CDH5: variants seen among roughly 807,000 people sequenced by gnomAD.
CDH5 encodes the protein cadherin-5.
CDH5 carries 28 observed loss-of-function variants against 62.0 expected under a neutral mutation model. That is an observed-to-expected ratio of 0.45 (90% CI 0.33 to 0.62). The LOEUF is 0.62. Among genes scored for constraint, CDH5 ranks in the 20% least tolerant of loss-of-function variants. The probability of loss-of-function intolerance (pLI) is 0.02; values close to 1 mark genes in which losing one functional copy is unlikely to be tolerated. For missense variants in CDH5, 940 were observed against 1,065.1 expected, an observed-to-expected ratio of 0.88 and a Z score of 1.63; for synonymous variants, 464 against 445.8, an observed-to-expected ratio of 1.04 and a Z score of -0.52.
intron 2 of CDH5, among the ~76,000 whole-genome samples, chr16:66,383,287 T>C (rs1180074241): frequency 6.6e-6 from 1 of 152,022 alleles, no homozygotes; most frequent in Non-Finnish European, 1.5e-5. Flanking sequence ...TCCGTATTGG[T>C]CCATTAATTA....
intron 1 of CDH5, among the ~76,000 whole-genome samples, chr16:66,370,857 C>T (rs1960674343): frequency 6.6e-6 from 1 of 152,220 alleles, no homozygotes; most frequent in South Asian, 2.1e-4. Flanking sequence ...ACTCCTAGCT[C>T]TCCTCGAGGC....
chr16:66,391,177 C>T (rs55951938), intron 6 of CDH5, among the ~76,000 whole-genome samples: 18,056 of 152,128 alleles, frequency 0.12, 1,421 homozygotes, highest in Non-Finnish European at 0.18. Flanking sequence ...GATTGCAAGT[C>T]CTGGGCCTGA....
intron 1 of CDH5, among the ~76,000 whole-genome samples, chr16:66,374,836 T>A (rs1035482741): frequency 6.6e-6 from 1 of 152,158 alleles, no homozygotes; most frequent in Middle Eastern, 3.2e-3. Context: ...CTAGGGTACA[T>A]GTGCACAACG....
intron 3 of CDH5, among the ~76,000 whole-genome samples, 183 bp downstream of exon 3, chr16:66,387,280 G>A (rs1961003771): frequency 6.6e-6 from 1 of 152,238 alleles, no homozygotes; most frequent in Non-Finnish European, 1.5e-5. Context: ...CTCTGATCTG[G>A]CCACAGGCTG....
intron 1 of CDH5, chr16:66,377,338 T>G (rs1012131326): frequency 9.2e-5 from 14 of 152,070 alleles, no homozygotes; most frequent in African/African-American, 3.4e-4. Flanking sequence ...CCCAGAGGGG[T>G]CAGGGCCTCT....
chr16:66,392,506 T>C, intron 7 of CDH5, 123 bp downstream of exon 7: 1 of 1,369,390 alleles, frequency 7.3e-7, no homozygotes, highest in South Asian at 1.4e-5. Flanking sequence ...ACAGGGAAAG[T>C]GACAGAGGCA....
intron 5 of CDH5, among the ~76,000 whole-genome samples, chr16:66,389,915 T>A (rs1406372419): frequency 6.6e-6 from 1 of 152,228 alleles, no homozygotes; most frequent in Non-Finnish European, 1.5e-5. Context: ...AGCAAAGTTC[T>A]ATATCCAGAG....
intron 7 of CDH5, among the ~76,000 whole-genome samples, chr16:66,394,460 T>C (rs1188967503): frequency 6.6e-6 from 1 of 152,200 alleles, no homozygotes; most frequent in African/African-American, 2.4e-5. Flanking sequence ...TCATAATTGA[T>C]ATGTTTGATG....
rs767552398 is a variant in CDH5 at position 66,400,973 on chromosome 16, C to T, written c.1794C>T (p.Ile598=). 1 of 1,614,126 alleles carries T rather than the reference C, an allele frequency of 6.2e-7. No individual in the cohort carries two copies. Among genetic ancestry groups the T allele is most frequent in the South Asian group, 1.1e-5 (1 of 91,082 alleles). ...EDMAAQVGVS[I]QAVVAILLCI... Reference sequence around the variant, plus strand: ...TGGCCGCCCAGGTGGGCGTGAGCATCCAGGCAGTGGTAGCCATCTTACTCT... The same window carrying T: ...TGGCCGCCCAGGTGGGCGTGAGCATTCAGGCAGTGGTAGCCATCTTACTCT... Residue 598 remains isoleucine (I), a synonymous_variant, in exon 11 of 12, where the codon ATC becomes ATT. Transcript: ENST00000341529.
At chr16:66,390,859 G>A (rs922897961) in intron 6 of CDH5, among the ~76,000 whole-genome samples, 18 of 152,226 alleles carry the variant, frequency 1.2e-4, no homozygotes, top group African/African-American at 3.4e-4. Flanking sequence ...GGGTAAGTGT[G>A]GAACACATCC....
At chr16:66,368,122 G>T (rs957102365) in intron 1 of CDH5, among the ~76,000 whole-genome samples, 4 of 152,202 alleles carry the variant, frequency 2.6e-5, no homozygotes, top group Non-Finnish European at 5.9e-5. Context: ...TCTCATGTGT[G>T]ATGGGCAGAT....
chr16:66,379,893 TCAC>T (rs1960859596), intron 2 of CDH5, among the ~76,000 whole-genome samples: 2 of 147,438 alleles, frequency 1.4e-5, no homozygotes, highest in African/African-American at 5.0e-5. Context: ...ATGGTGGTGA[TCAC>T]GGTGATGGTG....
rs762331008 is a variant in CDH5 at position 66,379,361 on chromosome 16, C to T, written c.24C>T (p.Leu8=). 5.5e-5 allele frequency: 89 copies of T among 1,612,710 alleles called. No homozygotes were observed. Among genetic ancestry groups the T allele is most frequent in the Non-Finnish European group, 6.8e-5 (80 of 1,179,376 alleles). Residue 8 remains leucine (L), a synonymous_variant, in exon 2 of 12, where the codon CTC becomes CTT. Coordinates refer to ENST00000341529, the MANE Select transcript of CDH5 (RefSeq NM_001795.5). MQRLMML[L]ATSGACLGLL... is the part of the protein sequence containing the mutation. Reference sequence around the variant, plus strand: ...AGATGCAGAGGCTCATGATGCTCCTCGCCACATCGGGCGCCTGCCTGGGCC... The same window carrying T: ...AGATGCAGAGGCTCATGATGCTCCTTGCCACATCGGGCGCCTGCCTGGGCC...
At position 66,392,302 on chromosome 16, in the gene CDH5, T is replaced by C. The variant is rs1281740579; in HGVS notation, c.1136T>C (p.Phe379Ser). Reference sequence around the variant, plus strand: ...ATTTTCCAGCAGCCTTTCTACCACTTCCAGCTGAAGGAAAACCAGAAGAAG... The same window carrying C: ...ATTTTCCAGCAGCCTTTCTACCACTCCCAGCTGAAGGAAAACCAGAAGAAG... Reference protein sequence around the residue: ...PPIFQQPFYHFQLKENQKKPL... With the variant: ...PPIFQQPFYHSQLKENQKKPL... The change falls in exon 7 of 12, where the codon TTC becomes TCC. Residue 379 changes from phenylalanine (F) to serine (S), a missense_variant. Physicochemically the swap from Phe to Ser is radical, Grantham distance 155. Transcript: ENST00000341529. 6.2e-7 allele frequency: 1 copy of C among 1,614,052 alleles called. No individual in the cohort carries two copies. Among genetic ancestry groups the C allele is most frequent in the Non-Finnish European group, 8.5e-7 (1 of 1,180,020 alleles).
chr16:66,387,434 AAGCCCTGATCCTGATCGTGGACTG>A (rs1197588916), intron 3 of CDH5, among the ~76,000 whole-genome samples: 1 of 151,868 alleles, frequency 6.6e-6, no homozygotes, highest in African/African-American at 2.4e-5. Flanking sequence ...GTCACAGACC[AAGCCCTGATCCTGATCGTGGACTG>A]AGCCCTGACC....
intron 7 of CDH5, chr16:66,392,912 G>A (rs1961113985): frequency 6.5e-6 from 1 of 154,170 alleles, no homozygotes; most frequent in South Asian, 2.0e-4. Flanking sequence ...ACAAACATGT[G>A]GATGCATTTA....
At position 66,403,496 on chromosome 16, in the gene CDH5, A is replaced by G; in HGVS notation, c.*327A>G. 1 of 368,368 alleles carries G rather than the reference A, an allele frequency of 2.7e-6. No individual in the cohort carries two copies. Among genetic ancestry groups the G allele is most frequent in the Non-Finnish European group, 5.1e-6 (1 of 197,478 alleles). The allele number at this position is 368,368 out of a possible 1,614,324, so 22.8% of individuals were successfully genotyped here. A position where few individuals can be genotyped will look rare whatever the true frequency, so the allele number is the denominator to read the frequency against. On this transcript the variant is annotated 3_prime_UTR_variant, in exon 12 of 12. Transcript: ENST00000341529. The surrounding 1 kb of genome is among the most constrained non-coding windows in gnomAD (Gnocchi z 4.3). ...TGGCTCCCCAAGGCTGCAAAGCAAA[A>G]CAGACTGTGTTTAACTGCTGCAGGG...
Position 66,403,175 on chromosome 16 carries a change from C to T in CDH5, c.*6C>T. On this transcript the variant is annotated 3_prime_UTR_variant, in exon 12 of 12. Coordinates refer to ENST00000341529, the MANE Select transcript of CDH5 (RefSeq NM_001795.5). The surrounding 1 kb of genome is among the most constrained non-coding windows in gnomAD (Gnocchi z 4.3). ...GGGAGGAGCTGCTGTATTAGGCGGC[C>T]GAGGTCACTCTGGGCCTGGGGACCC... The T allele has an allele frequency of 3.1e-6, 5 of 1,603,584 alleles. No individual in the cohort carries two copies. The highest frequency in any genetic ancestry group is 4.3e-6 in the Non-Finnish European group (5 of 1,176,118).
Position 66,398,112 on chromosome 16 carries a change from T to A in CDH5, c.1485+6T>A, listed in dbSNP as rs1961218858. On this transcript the variant is annotated splice_donor_region_variant and intron_variant, in intron 9 of 11. Coordinates refer to ENST00000341529, the MANE Select transcript of CDH5 (RefSeq NM_001795.5). ...AGAACGCTGTCCATGGCCAGGTGAG[T>A]CTGGTTCAGGTGGGAGGGGAAGGCA... 1.9e-6 allele frequency: 3 copies of A among 1,614,102 alleles called. No homozygotes were observed. The South Asian group carries it at 3.3e-5, about 18-fold the overall frequency.
Sources: gnomAD v4.1 joint callset for allele counts (sites outside exome capture counted in the v4.1 genomes callset) on GRCh38, gnomAD v4.1.1 for gene constraint, Gnocchi (gnomAD v3.1) non-coding constraint, MANE v1.5 for transcripts, NCBI Gene and HGNC (gene_info 2026-07-23, HGNC 2026-07-21) for gene names.